Variants in ARFGAP3 observed in about 807,000 individuals in gnomAD.
ARFGAP3 encodes the protein ADP-ribosylation factor GTPase-activating protein 3.
Under a neutral mutation model 75.0 loss-of-function variants are expected in ARFGAP3, and 72 were observed. That is an observed-to-expected ratio of 0.96 (90% CI 0.79 to 1.17). The LOEUF (loss-of-function observed/expected upper bound fraction) is 1.17. Among genes scored for constraint, ARFGAP3 ranks in the 50% most tolerant of loss-of-function variants. The pLI is 0.00. For synonymous variants in ARFGAP3, 221 were observed against 217.9 expected (o/e 1.01, Z -0.13); for missense variants, 620 against 626.6 (o/e 0.99, Z 0.11).
intron 5 of ARFGAP3, among the ~76,000 whole-genome samples, chr22:42,833,247 A>G (rs1313874041): frequency 6.6e-6 from 1 of 152,208 alleles, no homozygotes; most frequent in Non-Finnish European, 1.5e-5. Flanking sequence ...ATAATACTAC[A>G]TAAACAGCAA....
In ARFGAP3 at chr22:42,817,171, A is replaced by G. The variant is rs1464489524; in HGVS notation, c.1035T>C (p.Ser345=). ...AGCTGGAAGTAAAATATGAATCGTC[A>G]CTGTCATCATTATACTTTTTTCTTG... ...AKPRKKYNDD[S]DDSYFTSSSS... The change falls in exon 11 of 16, where the codon AGT becomes AGC. Residue 345 remains serine (S), a synonymous_variant. Coordinates refer to ENST00000263245, the MANE Select transcript of ARFGAP3 (RefSeq NM_014570.5). 1 of 1,613,186 alleles carries G rather than the reference A, an allele frequency of 6.2e-7. No individual in the cohort carries two copies. Among genetic ancestry groups the G allele is most frequent in the South Asian group, 1.1e-5 (1 of 91,044 alleles).
intron 1 of ARFGAP3, among the ~76,000 whole-genome samples, chr22:42,855,530 A>G (rs1006739460): frequency 6.6e-6 from 1 of 152,038 alleles, no homozygotes; most frequent in African/African-American, 2.4e-5. Flanking sequence ...TACTAAAAAT[A>G]TAAAAATTAC....
chr22:42,836,951 G>A (rs1926545367), intron 3 of ARFGAP3, among the ~76,000 whole-genome samples: 1 of 152,214 alleles, frequency 6.6e-6, no homozygotes, highest in African/African-American at 2.4e-5. Context: ...AGAACTCACA[G>A]CTCCACTGGC....
chr22:42,854,693 C>T (rs1017441830), intron 1 of ARFGAP3, among the ~76,000 whole-genome samples: 3 of 151,810 alleles, frequency 2.0e-5, no homozygotes, highest in African/African-American at 7.3e-5. Context: ...TAGAGTAAAT[C>T]ATCATACATG....
chr22:42,846,137 G>A (rs567422235), intron 2 of ARFGAP3, among the ~76,000 whole-genome samples: 79 of 151,072 alleles, frequency 5.2e-4, no homozygotes, highest in African/African-American at 1.7e-3. Flanking sequence ...TCAATATTTC[G>A]ATATTCCTTA....
intron 5 of ARFGAP3, 84 bp from the exon 6 acceptor site, chr22:42,831,720 C>T: frequency 6.3e-7 from 1 of 1,585,652 alleles, no homozygotes; most frequent in Non-Finnish European, 8.6e-7. Flanking sequence ...AAAAACCTAA[C>T]AATTTAAACA....
At chr22:42,800,676 A>C (rs2146522210) in intron 14 of ARFGAP3, among the ~76,000 whole-genome samples, 1 of 152,302 alleles carries the variant, frequency 6.6e-6, no homozygotes, top group South Asian at 2.1e-4. Flanking sequence ...AGGTCCTCCC[A>C]TCTCCACCTC....
intron 12 of ARFGAP3, 118 bp from the exon 13 acceptor site, chr22:42,809,008 C>T (rs1483759931): frequency 5.7e-6 from 7 of 1,225,714 alleles, no homozygotes; most frequent in East Asian, 5.8e-5. Context: ...GGATTTTAGG[C>T]TGTTTTTAAA....
chr22:42,857,197 C>CGCG lies in ARFGAP3; in HGVS notation c.-18_-16dup. ...GGGTCCCCCATCGTCAGCTGTGAGC[C>CGCG]GCGGCGCAGCTGGCCCAGCCAACCG... On this transcript the variant is annotated 5_prime_UTR_variant, in exon 1 of 16. Transcript: ENST00000263245. 6.6e-7 allele frequency: 1 copy of CGCG among 1,507,612 alleles called. No homozygotes were observed. The highest frequency in any genetic ancestry group is 8.9e-7 in the Non-Finnish European group (1 of 1,125,172). 93.4% of individuals were successfully genotyped at this position (1,507,612 alleles called of 1,614,324 possible). A position where few individuals can be genotyped will look rare whatever the true frequency, so the allele number is the denominator to read the frequency against.
intron 7 of ARFGAP3, 49 bp from the exon 8 acceptor site, chr22:42,823,751 C>A: frequency 7.0e-7 from 1 of 1,437,620 alleles, no homozygotes; most frequent in Admixed American, 2.4e-5. Flanking sequence ...AATAATTTTT[C>A]TTTTTTAGTG....
At chr22:42,804,916 C>T (rs996230125) in intron 14 of ARFGAP3, among the ~76,000 whole-genome samples, 2 of 152,092 alleles carry the variant, frequency 1.3e-5, no homozygotes, top group Non-Finnish European at 2.9e-5. Context: ...TAAAATAAAA[C>T]AAGCTTTATG....
chr22:42,852,218 C>T (rs1328259991), intron 1 of ARFGAP3, among the ~76,000 whole-genome samples: 1 of 111,532 alleles, frequency 9.0e-6, no homozygotes, highest in Non-Finnish European at 1.7e-5. Context: ...CCATGCATGG[C>T]TAATTTTAAT....
intron 1 of ARFGAP3, among the ~76,000 whole-genome samples, chr22:42,855,078 C>T (rs1350472288): frequency 6.6e-6 from 1 of 152,136 alleles, no homozygotes; most frequent in African/African-American, 2.4e-5. Context: ...CACAATAACC[C>T]TCTGAGTCAG....
intron 1 of ARFGAP3, among the ~76,000 whole-genome samples, chr22:42,850,140 G>A (rs6002963): frequency 0.65 from 99,107 of 151,998 alleles, 34,107 homozygotes; most frequent in African/African-American, 0.87. Flanking sequence ...AGAGTCACGC[G>A]TCGGAAGTGT....
chr22:42,802,276 C>T (rs1924896777), intron 14 of ARFGAP3, among the ~76,000 whole-genome samples: 1 of 151,164 alleles, frequency 6.6e-6, no homozygotes, highest in Non-Finnish European at 1.5e-5. Flanking sequence ...TCCCAGGCTC[C>T]TCAAAATAAC....
intron 14 of ARFGAP3, among the ~76,000 whole-genome samples, chr22:42,805,471 G>A (rs543870822): frequency 2.0e-5 from 3 of 152,330 alleles, no homozygotes; most frequent in South Asian, 2.1e-4. Flanking sequence ...GCACTGACCT[G>A]TGGGGCTGCT....
Position 42,857,096 on chromosome 22 carries a change from C to G in ARFGAP3, c.69+18G>C. ...CGCAGGGATGCCAGGCAGGCCCGCA[C>G]TCGCCCGCGGCCGCTACCTTGTTAG... On this transcript the variant is annotated intron_variant, in intron 1 of 15. Coordinates refer to ENST00000263245, the MANE Select transcript of ARFGAP3 (RefSeq NM_014570.5). The G allele has an allele frequency of 6.7e-7, 1 of 1,503,542 alleles. No individual in the cohort carries two copies. The highest frequency in any genetic ancestry group is 8.9e-7 in the Non-Finnish European group (1 of 1,124,780). 93.1% of individuals were successfully genotyped at this position (1,503,542 alleles called of 1,614,324 possible).
chr22:42,834,955 G>C (rs918685413), intron 4 of ARFGAP3, among the ~76,000 whole-genome samples: 2 of 152,192 alleles, frequency 1.3e-5, no homozygotes, highest in Non-Finnish European at 2.9e-5. Flanking sequence ...GCTGTGATGT[G>C]CCTCATGGAG....
chr22:42,841,177 G>C (rs1432882043), intron 2 of ARFGAP3, 161 bp from the exon 3 acceptor site: 1 of 925,508 alleles, frequency 1.1e-6, no homozygotes, highest in African/African-American at 1.8e-5. Flanking sequence ...ACTCCAGAGT[G>C]GATGATGGTT....
Sources: allele counts gnomAD v4.1 joint callset (sites outside exome capture counted in the v4.1 genomes callset), GRCh38; gene constraint gnomAD v4.1.1; transcripts MANE v1.5; gene names NCBI Gene and HGNC (gene_info 2026-07-23, HGNC 2026-07-21).